The following STX5 variants were observed in gnomAD, a reference collection of about 807,000 sequenced individuals.
STX5 encodes the protein syntaxin 5.
In STX5, 15 loss-of-function variants were observed where a neutral mutation model predicts 42.9. The observed-to-expected ratio is 0.35, with a 90% confidence interval of 0.23 to 0.54. The LOEUF (loss-of-function observed/expected upper bound fraction) is 0.54, where lower values mean the gene tolerates loss of function less well. Ranked by LOEUF, STX5 falls within the 20% of genes least tolerant of loss-of-function variation. The probability of loss-of-function intolerance (pLI) is 0.91; values close to 1 mark genes in which losing one functional copy is unlikely to be tolerated. For missense variants in STX5, 430 were observed against 455.0 expected (o/e 0.95, Z 0.50); for synonymous variants, 184 against 173.2 (o/e 1.06, Z -0.49).
At chr11:62,827,879 T>C (rs949975086) in intron 2 of STX5, among the ~76,000 whole-genome samples, 1 of 152,024 alleles carries the variant, frequency 6.6e-6, no homozygotes, top group African/African-American at 2.4e-5. Context: ...TCTAAATCTC[T>C]ACTTTCTCTT....
chr11:62,825,303 C>T lies in STX5; in HGVS notation c.577G>A (p.Val193Ile), dbSNP rs564823443. ...CTCACCTCTGTCCTCACTTCTAAAA[C>T]CGATTTGAAGTCATTGGACATAGAA... ...LASMSNDFKS[V>I]LEVRTENLKQ... Residue 193 changes from valine (V) to isoleucine (I), a missense_variant, in exon 7 of 11, where the codon GTT becomes ATT. Physicochemically the swap from Val to Ile is conservative, Grantham distance 29. Coordinates refer to ENST00000294179, the MANE Select transcript of STX5 (RefSeq NM_003164.5). 259 of 1,614,162 alleles carry T rather than the reference C, an allele frequency of 1.6e-4. 4 individuals are homozygous for T. The South Asian group carries it at 1.8e-3, about 11-fold the overall frequency.
chr11:62,829,260 A>G (rs1205835127), intron 2 of STX5, among the ~76,000 whole-genome samples: 2 of 151,444 alleles, frequency 1.3e-5, no homozygotes, highest in Non-Finnish European at 1.5e-5. Context: ...CCCCGTCTCC[A>G]CTCAAAATAC....
chr11:62,807,756 G>T, intron 10 of STX5, 128 bp from the exon 11 acceptor site: 1 of 1,467,086 alleles, frequency 6.8e-7, no homozygotes, highest in East Asian at 2.5e-5. Flanking sequence ...TTTGTGTATA[G>T]AAAAGGCTTT....
At chr11:62,813,039 G>A (rs1413236347) in intron 10 of STX5, among the ~76,000 whole-genome samples, 1 of 150,570 alleles carries the variant, frequency 6.6e-6, no homozygotes, top group East Asian at 2.0e-4. Context: ...TTGAACCCAG[G>A]AGGCGGAGGT....
At chr11:62,814,674 G>T (rs2084654209) in intron 10 of STX5, among the ~76,000 whole-genome samples, 1 of 148,518 alleles carries the variant, frequency 6.7e-6, no homozygotes, top group Non-Finnish European at 1.5e-5. Context: ...TGCCCAGGCT[G>T]GAGTGTAATG....
At position 62,831,267 on chromosome 11, in the gene STX5, T is replaced by G. The variant is rs1268642580; in HGVS notation, c.-19-5A>C. On this transcript the variant is annotated splice_polypyrimidine_tract_variant and splice_region_variant and intron_variant, in intron 1 of 10. Transcript: ENST00000294179. ...ATTGAGACGCATAACCTCGGACTGTTGTGGAGGGGAGAGTGTCATTCCCCA... is the reference window on the plus strand; with the variant it reads ...ATTGAGACGCATAACCTCGGACTGTGGTGGAGGGGAGAGTGTCATTCCCCA... 2 of 1,542,200 alleles carry G rather than the reference T, an allele frequency of 1.3e-6. No homozygotes were observed. Among genetic ancestry groups the G allele is most frequent in the Non-Finnish European group, 1.8e-6 (2 of 1,138,342 alleles).
At position 62,827,125 on chromosome 11, in the gene STX5, G is replaced by A. The variant is rs116449572; in HGVS notation, c.423+30C>T. 1.5e-3 allele frequency: 2,436 copies of A among 1,599,632 alleles called. 26 individuals carry two copies. In the African/African-American group the frequency reaches 0.026, roughly 17 times the overall value. ...AAGACAGAAGTGATCTGATTGGAAT[G>A]CTGGGCTCTCCTGATGGCTAGTAGC... is the stretch of plus-strand genomic sequence containing the variant. On this transcript the variant is annotated intron_variant, in intron 5 of 10. Transcript: ENST00000294179.
At chr11:62,829,427 AAAATAAAT>A (rs56250621) in intron 2 of STX5, among the ~76,000 whole-genome samples, 248 of 148,894 alleles carry the variant, frequency 1.7e-3, no homozygotes, top group African/African-American at 5.7e-3. Context: ...TCCCATCTCA[AAAATAAAT>A]AAATAAATAA....
chr11:62,812,623 C>T (rs938845749), intron 10 of STX5, among the ~76,000 whole-genome samples: 5 of 151,404 alleles, frequency 3.3e-5, no homozygotes, highest in East Asian at 4.0e-4. Flanking sequence ...GGGGTTTCAC[C>T]GTGTTAGCCA....
Position 62,809,673 on chromosome 11 carries a change from C to CAAAAAAAAA in STX5, c.909-2054_909-2046dup, listed in dbSNP as rs749188946. 3.6e-4 allele frequency among the ~76,000 whole-genome samples: 7 copies of CAAAAAAAAA among 19,182 alleles called. 1 individual carries two copies. The highest frequency in any genetic ancestry group is 5.5e-4 in the African/African-American group (4 of 7,254). The allele number at this position is 19,182 out of a possible 152,430, so 12.6% of individuals were successfully genotyped here. The stretch of plus-strand genomic sequence containing the variant: ...TGGGAAACAGAGCAAGACTCTGTCT[C>CAAAAAAAAA]AAAAAAAAAAAAAAAAAAAAAAAAA... On this transcript the variant is annotated intron_variant, in intron 10 of 10. Coordinates refer to ENST00000294179, the MANE Select transcript of STX5 (RefSeq NM_003164.5).
Position 62,819,220 on chromosome 11 carries a change from G to GAAAAAAAAA in STX5, c.908+4937_908+4945dup, listed in dbSNP as rs57390432. ...TGGGCAACAGAGTGAGACTCTGTCT[G>GAAAAAAAAA]AAAAAAAAAAAAAAAAAAAAAAAAA... On this transcript the variant is annotated intron_variant, in intron 10 of 10. Coordinates refer to ENST00000294179, the MANE Select transcript of STX5 (RefSeq NM_003164.5). Among the ~76,000 whole-genome samples the GAAAAAAAAA allele has an allele frequency of 6.7e-4, 20 of 29,642 alleles. 1 individual carries two copies. The highest frequency in any genetic ancestry group is 1.4e-3 in the East Asian group (1 of 700). The allele number at this position is 29,642 out of a possible 152,430, so 19.4% of individuals were successfully genotyped here.
At position 62,831,094 on chromosome 11, in the gene STX5, G is replaced by C. The variant is rs754973820; in HGVS notation, c.150C>G (p.Pro50=). Residue 50 remains proline (P), a synonymous_variant, in exon 2 of 11, where the codon CCC becomes CCG. Coordinates refer to ENST00000294179, the MANE Select transcript of STX5 (RefSeq NM_003164.5). Reference sequence around the variant, plus strand: ...CCCGGCAGGACATGGTGTCGGGAGGGGGAGGGACGAGGGTCACTGGGGGGG... The same window carrying C: ...CCCGGCAGGACATGGTGTCGGGAGGCGGAGGGACGAGGGTCACTGGGGGGG... ...PLPPPVTLVP[P]PPDTMSCRDR... 1 of 1,556,128 alleles carries C rather than the reference G, an allele frequency of 6.4e-7. No homozygotes were observed. Among genetic ancestry groups the C allele is most frequent in the Non-Finnish European group, 8.7e-7 (1 of 1,150,244 alleles).
Position 62,811,658 on chromosome 11 carries a change from C to CTT in STX5, c.909-4032_909-4031dup, listed in dbSNP as rs1280875296. On this transcript the variant is annotated intron_variant, in intron 10 of 10. Coordinates refer to ENST00000294179, the MANE Select transcript of STX5 (RefSeq NM_003164.5). ...GTACCTACTCTGAGTTCTCTCATCC[C>CTT]TTTTTTTTTTTTTTTAATAGACACG... is the stretch of plus-strand genomic sequence containing the variant. Among the ~76,000 whole-genome samples the CTT allele has an allele frequency of 4.8e-4, 69 of 143,110 alleles. 1 individual carries two copies. The highest frequency in any genetic ancestry group is 1.4e-3 in the African/African-American group (54 of 38,924). The allele number at this position is 143,110 out of a possible 152,430, so 93.9% of individuals were successfully genotyped here. A position where few individuals can be genotyped will look rare whatever the true frequency, so the allele number is the denominator to read the frequency against.
chr11:62,831,365 T>A (rs891264728), intron 1 of STX5, 103 bp from the exon 2 acceptor site: 37 of 885,076 alleles, frequency 4.2e-5, no homozygotes, highest in Non-Finnish European at 5.8e-5. Context: ...GCACTTCTCG[T>A]GGACTTTCGC....
chr11:62,817,469 A>G (rs1203628669), intron 10 of STX5, among the ~76,000 whole-genome samples: 1 of 152,212 alleles, frequency 6.6e-6, no homozygotes, highest in South Asian at 2.1e-4. Flanking sequence ...CTGCCTGCGA[A>G]AACAAAAAAG....
chr11:62,814,102 T>G (rs2084646826), intron 10 of STX5, among the ~76,000 whole-genome samples: 1 of 152,038 alleles, frequency 6.6e-6, no homozygotes, highest in Non-Finnish European at 1.5e-5. Flanking sequence ...TAACTAATAA[T>G]AAGACAACCA....
chr11:62,812,974 T>C (rs917497892), intron 10 of STX5, among the ~76,000 whole-genome samples: 4 of 150,568 alleles, frequency 2.7e-5, no homozygotes, highest in African/African-American at 9.8e-5. Context: ...TATCCGGACA[T>C]GGTGGCTCGT....
intron 2 of STX5, chr11:62,830,539 AAC>A: frequency 2.2e-6 from 1 of 456,788 alleles, no homozygotes; most frequent in Non-Finnish European, 4.4e-6. Flanking sequence ...AGAGTTGAAA[AAC>A]AGATCTCAAA....
intron 10 of STX5, among the ~76,000 whole-genome samples, chr11:62,816,266 G>A (rs1230585058): frequency 6.6e-6 from 1 of 152,018 alleles, no homozygotes; most frequent in East Asian, 1.9e-4. Context: ...CAACTTACTG[G>A]TAAACTTAAA....
Sources: allele counts gnomAD v4.1 joint callset (sites outside exome capture counted in the v4.1 genomes callset), GRCh38; gene constraint gnomAD v4.1.1; transcripts MANE v1.5; gene names NCBI Gene and HGNC (gene_info 2026-07-23, HGNC 2026-07-21).